Variants in ANO2 observed in about 807,000 individuals in gnomAD.
ANO2 encodes the protein anoctamin 2.
In ANO2, 101 loss-of-function variants were observed where a neutral mutation model predicts 124.2. That is an observed-to-expected ratio of 0.81 (90% CI 0.69 to 0.96). ANO2 has a LOEUF of 0.96. Among genes scored for constraint, ANO2 ranks in the 40% least tolerant of loss-of-function variants. The probability of loss-of-function intolerance (pLI) is 0.00; values close to 1 mark genes in which losing one functional copy is unlikely to be tolerated. For synonymous variants in ANO2, 486 were observed against 482.5 expected (o/e 1.01, Z -0.09); for missense variants, 1,293 against 1,274.5 (o/e 1.01, Z -0.22).
intron 4 of ANO2, among the ~76,000 whole-genome samples, chr12:5,842,361 G>A (rs899569373): frequency 1.3e-5 from 2 of 152,170 alleles, no homozygotes; most frequent in South Asian, 4.1e-4. Context: ...ACTTTCCACA[G>A]GATCTCTTAC....
intron 14 of ANO2, among the ~76,000 whole-genome samples, chr12:5,713,811 C>T (rs1410085659): frequency 6.6e-6 from 1 of 152,108 alleles, no homozygotes; most frequent in Non-Finnish European, 1.5e-5. Flanking sequence ...CTCTGTCTAC[C>T]CAATAGGCTG....
At chr12:5,624,357 T>C (rs193265339) in intron 16 of ANO2, among the ~76,000 whole-genome samples, 132 of 152,264 alleles carry the variant, frequency 8.7e-4, no homozygotes, top group African/African-American at 3.1e-3. Context: ...ACCTACTATG[T>C]GCCAAGCACC....
At chr12:5,916,512 A>AAAAAAAAAAAAG (rs1941386421) in intron 3 of ANO2, among the ~76,000 whole-genome samples, 2 of 150,766 alleles carry the variant, frequency 1.3e-5, no homozygotes, top group Admixed American at 6.6e-5. Flanking sequence ...AAAAAAAAAA[A>AAAAAAAAAAAAG]AGGCAGCAGT....
chr12:5,668,395 G>GTTTTTTTTTTTTTTTT (rs539092061), intron 14 of ANO2, among the ~76,000 whole-genome samples: 1 of 149,104 alleles, frequency 6.7e-6, no homozygotes, highest in African/African-American at 2.5e-5. Flanking sequence ...ACTTTTTAAT[G>GTTTTTTTTTTTTTTTT]TTTTTTTTTT....
intron 1 of ANO2, among the ~76,000 whole-genome samples, chr12:5,942,411 G>A (rs1465387976): frequency 1.3e-5 from 2 of 152,176 alleles, no homozygotes; most frequent in Non-Finnish European, 2.9e-5. Context: ...GTTATGTTGG[G>A]CAATGTCTTA....
At chr12:5,737,347 C>T (rs1230762382) in intron 13 of ANO2, among the ~76,000 whole-genome samples, 3 of 152,210 alleles carry the variant, frequency 2.0e-5, no homozygotes, top group Admixed American at 2.0e-4. Context: ...CAGGAAGTTA[C>T]CATGGCTCAT....
intron 14 of ANO2, among the ~76,000 whole-genome samples, chr12:5,719,036 G>A (rs923781735): frequency 9.2e-5 from 14 of 152,108 alleles, no homozygotes; most frequent in East Asian, 1.9e-4. Flanking sequence ...AGCTAGCTCC[G>A]TGTATTAAAT....
intron 20 of ANO2, among the ~76,000 whole-genome samples, chr12:5,586,458 G>C (rs966425165): frequency 6.6e-6 from 1 of 152,208 alleles, no homozygotes; most frequent in Admixed American, 6.5e-5. Flanking sequence ...CCATTGGCTT[G>C]TAACACACAC....
intron 14 of ANO2, among the ~76,000 whole-genome samples, chr12:5,679,729 T>C (rs251755): frequency 1 from 152,310 of 152,356 alleles, 76,132 homozygotes; most frequent in Middle Eastern, 1. Flanking sequence ...GACAGCGTGG[T>C]GATTCCTCAA....
At chr12:5,619,423 C>T (rs1944998779) in intron 16 of ANO2, among the ~76,000 whole-genome samples, 2 of 152,064 alleles carry the variant, frequency 1.3e-5, no homozygotes, top group Admixed American at 1.3e-4. Flanking sequence ...AAGAGCAGAC[C>T]CACAAGAGTC....
At chr12:5,627,751 C>G (rs550166905) in intron 16 of ANO2, among the ~76,000 whole-genome samples, 1 of 152,224 alleles carries the variant, frequency 6.6e-6, no homozygotes, top group South Asian at 2.1e-4. Context: ...TAATATATTG[C>G]CTTTTGCTAG....
intron 14 of ANO2, among the ~76,000 whole-genome samples, chr12:5,654,139 G>A (rs569408367): frequency 1.3e-5 from 2 of 152,276 alleles, no homozygotes; most frequent in East Asian, 3.9e-4. Context: ...CTGATAGTAG[G>A]CTGGCAGGGG....
intron 3 of ANO2, among the ~76,000 whole-genome samples, chr12:5,892,286 G>A (rs1349513641): frequency 6.6e-6 from 1 of 152,060 alleles, no homozygotes; most frequent in Non-Finnish European, 1.5e-5. Context: ...AGACCTATAA[G>A]GCAAACCAAA....
At chr12:5,587,344 AT>A (rs555137244) in intron 20 of ANO2, among the ~76,000 whole-genome samples, 9 of 152,240 alleles carry the variant, frequency 5.9e-5, no homozygotes, top group African/African-American at 1.9e-4. Flanking sequence ...TTACCAAGAG[AT>A]TTTTTTGGGA....
At chr12:5,832,236 G>T (rs1470739951) in intron 5 of ANO2, among the ~76,000 whole-genome samples, 1 of 152,150 alleles carries the variant, frequency 6.6e-6, no homozygotes, top group Non-Finnish European at 1.5e-5. Flanking sequence ...ATTTCCTGCT[G>T]GACAAGCACC....
intron 14 of ANO2, among the ~76,000 whole-genome samples, chr12:5,671,322 T>G (rs571326242): frequency 2.2e-4 from 34 of 152,232 alleles, no homozygotes; most frequent in Admixed American, 2.1e-3. Flanking sequence ...ACACAGGGCT[T>G]CCCACAGCAA....
intron 20 of ANO2, among the ~76,000 whole-genome samples, chr12:5,594,799 C>T (rs1943579175): frequency 6.6e-6 from 1 of 152,182 alleles, no homozygotes; most frequent in Non-Finnish European, 1.5e-5. Context: ...GATGGTGCCA[C>T]TGCACTCCAG....
intron 1 of ANO2, 70 bp downstream of exon 1, chr12:5,945,126 G>A: frequency 7.9e-7 from 1 of 1,261,236 alleles, no homozygotes; most frequent in South Asian, 1.3e-5. Context: ...GAGTTCGGAT[G>A]CCGCCTCCTT....
chr12:5,819,848 AAGTGGCAGC>A (rs59595135), intron 7 of ANO2, among the ~76,000 whole-genome samples: 46,384 of 151,802 alleles, frequency 0.31, 7,354 homozygotes, highest in Middle Eastern at 0.37. Flanking sequence ...GGCAGGGGCC[AAGTGGCAGC>A]ACTCAACCAT....
Sources: allele counts gnomAD v4.1 joint callset (sites outside exome capture counted in the v4.1 genomes callset), GRCh38; gene constraint gnomAD v4.1.1; transcripts MANE v1.5; gene names NCBI Gene and HGNC (gene_info 2026-07-23, HGNC 2026-07-21).